Variants in AGK observed in about 807,000 individuals in gnomAD.
AGK encodes acylglycerol kinase, also known as acylglycerol kinase, mitochondrial.
AGK carries 52 observed loss-of-function variants against 66.4 expected under a neutral mutation model. That is an observed-to-expected ratio of 0.78 (90% CI 0.63 to 0.99). The LOEUF (loss-of-function observed/expected upper bound fraction) is 0.99, where lower values mean the gene tolerates loss of function less well. Among genes scored for constraint, AGK ranks in the 50% least tolerant of loss-of-function variants. The pLI is 0.00. For missense variants in AGK, 451 were observed against 506.6 expected (o/e 0.89, Z 1.05); for synonymous variants, 182 against 181.1 (o/e 1.00, Z -0.04).
chr7:141,651,967 T>G (rs1797571727), intron 15 of AGK, among the ~76,000 whole-genome samples: 2 of 152,198 alleles, frequency 1.3e-5, no homozygotes, highest in African/African-American at 4.8e-5. Flanking sequence ...TAATAGTGGC[T>G]TTTACTTTAA....
intron 2 of AGK, among the ~76,000 whole-genome samples, chr7:141,562,659 C>T (rs1397366954): frequency 1.3e-5 from 2 of 152,202 alleles, no homozygotes; most frequent in African/African-American, 2.4e-5. Context: ...AAGGCCTCAT[C>T]CAGCTCCCAC....
intron 13 of AGK, among the ~76,000 whole-genome samples, chr7:141,645,439 C>A (rs993724031): frequency 6.6e-6 from 1 of 152,062 alleles, no homozygotes; most frequent in Non-Finnish European, 1.5e-5. Context: ...TCAATGAATT[C>A]TTTCAAATTT....
At chr7:141,585,965 G>A (rs1053405078) in intron 2 of AGK, among the ~76,000 whole-genome samples, 4 of 152,144 alleles carry the variant, frequency 2.6e-5, no homozygotes, top group African/African-American at 9.7e-5. Flanking sequence ...AGACAGCATG[G>A]TGTAGTGGAA....
rs1414457707 is a variant in AGK, at chr7:141,611,262, C to T, written c.365C>T (p.Ala122Val). 1 of 1,613,216 alleles carries T rather than the reference C, an allele frequency of 6.2e-7. No homozygotes were observed. The highest frequency in any genetic ancestry group is 8.5e-7 in the Non-Finnish European group (1 of 1,179,478). ...LMENTDVIIV[A>V]GGDGTLQEVV... ...GAAAACACGGATGTGATCATTGTTG[C>T]AGGAGGAGATGGGACACTGCAGGAG... is the stretch of plus-strand genomic sequence containing the variant. Residue 122 changes from alanine to valine, a missense_variant, in exon 6 of 16, where the codon GCA becomes GTA. Ala to Val is a moderately conservative substitution (Grantham distance 64). Coordinates refer to ENST00000649286, the MANE Select transcript of AGK (RefSeq NM_018238.4).
chr7:141,600,270 T>C lies in AGK; in HGVS notation c.222-935T>C, dbSNP rs552608025. On this transcript the variant is annotated intron_variant, in intron 4 of 15. Coordinates refer to ENST00000649286, the MANE Select transcript of AGK (RefSeq NM_018238.4). Reference sequence around the variant, plus strand: ...TGAGTAAAAGGTCAACTAATTGGTATGTTTTAACATTAGTTTGACTTTGAG... The same window carrying C: ...TGAGTAAAAGGTCAACTAATTGGTACGTTTTAACATTAGTTTGACTTTGAG... Among the ~76,000 whole-genome samples, 7 of 152,274 alleles carry C rather than the reference T, an allele frequency of 4.6e-5. No homozygotes were observed. In the East Asian group the frequency reaches 9.6e-4, roughly 21 times the overall value.
intron 8 of AGK, among the ~76,000 whole-genome samples, chr7:141,619,648 G>A (rs1796781731): frequency 6.6e-6 from 1 of 151,064 alleles, no homozygotes; most frequent in Non-Finnish European, 1.5e-5. Context: ...ATGCCACTAT[G>A]CATCTATTAG....
chr7:141,569,391 G>A lies in AGK; in HGVS notation c.101+13824G>A, dbSNP rs532037683. Among the ~76,000 whole-genome samples the A allele has an allele frequency of 1.3e-4, 20 of 152,176 alleles. No homozygotes were observed. The South Asian group carries it at 2.7e-3, about 21-fold the overall frequency. ...TTTAATGAAAATACAAAAATTAGCC[G>A]GGTGTGGCGGTGTGCGCCTGTAGTC... On this transcript the variant is annotated intron_variant, in intron 2 of 15. Coordinates refer to ENST00000649286, the MANE Select transcript of AGK (RefSeq NM_018238.4).
At chr7:141,652,650 TAAAAGAACA>T in intron 15 of AGK, 128 bp from the exon 16 acceptor site, 1 of 898,252 alleles carries the variant, frequency 1.1e-6, no homozygotes, top group Non-Finnish European at 1.7e-6. Flanking sequence ...TTTTTTTTTG[TAAAAGAACA>T]TTAGGATAGC....
Position 141,653,252 on chromosome 7 carries a change from T to C in AGK, c.*328T>C, listed in dbSNP as rs1258337251. The C allele has an allele frequency of 7.8e-6, 2 of 255,192 alleles. No individual in the cohort carries two copies. Among genetic ancestry groups the C allele is most frequent in the African/African-American group, 2.2e-5 (1 of 45,906 alleles). 15.8% of individuals were successfully genotyped at this position (255,192 alleles called of 1,614,324 possible). Reference sequence around the variant, plus strand: ...CACAGTGGAGAGCCCACGGTGGGCTTAGCCTGCCTAGGCCCTTCCATTTCT... The same window carrying C: ...CACAGTGGAGAGCCCACGGTGGGCTCAGCCTGCCTAGGCCCTTCCATTTCT... On this transcript the variant is annotated 3_prime_UTR_variant, in exon 16 of 16. Coordinates refer to ENST00000649286, the MANE Select transcript of AGK (RefSeq NM_018238.4).
intron 11 of AGK, among the ~76,000 whole-genome samples, chr7:141,639,117 G>C (rs1797233209): frequency 6.6e-6 from 1 of 152,200 alleles, no homozygotes; most frequent in African/African-American, 2.4e-5. Context: ...AGAGTTTCGA[G>C]AAGCAAAAGC....
chr7:141,596,020 T>C (rs1309027454), intron 3 of AGK, among the ~76,000 whole-genome samples: 1 of 152,226 alleles, frequency 6.6e-6, no homozygotes, highest in Non-Finnish European at 1.5e-5. Context: ...GTGCTTGGTA[T>C]ATATTAGTTA....
chr7:141,552,930 C>G (rs1032177690), intron 1 of AGK, among the ~76,000 whole-genome samples: 1 of 152,156 alleles, frequency 6.6e-6, no homozygotes, highest in African/African-American at 2.4e-5. Flanking sequence ...TAATTCTCCC[C>G]TCAACTATCT....
At chr7:141,607,827 A>G (rs2116947184) in intron 5 of AGK, among the ~76,000 whole-genome samples, 1 of 151,866 alleles carries the variant, frequency 6.6e-6, no homozygotes, top group Admixed American at 6.6e-5. Context: ...TTTTTCTGGG[A>G]GGGGGCAACT....
chr7:141,621,364 A>G (rs1281496936), intron 8 of AGK, among the ~76,000 whole-genome samples: 1 of 152,236 alleles, frequency 6.6e-6, no homozygotes, highest in Middle Eastern at 3.2e-3. Context: ...TAGAGCAAGA[A>G]TAAGTATTGT....
chr7:141,580,273 A>G (rs34799065), intron 2 of AGK, among the ~76,000 whole-genome samples: 5,269 of 152,028 alleles, frequency 0.035, 174 homozygotes, highest in South Asian at 0.14. Flanking sequence ...GAGTGGGGGC[A>G]GAGTGGTAGC....
chr7:141,563,227 G>A (rs1176281358), intron 2 of AGK, among the ~76,000 whole-genome samples: 2 of 152,212 alleles, frequency 1.3e-5, no homozygotes, highest in Admixed American at 1.3e-4. Flanking sequence ...GTCCAGGTGG[G>A]AGATGCAATG....
intron 11 of AGK, among the ~76,000 whole-genome samples, chr7:141,638,762 A>G (rs1797226342): frequency 6.6e-6 from 1 of 152,176 alleles, no homozygotes; most frequent in Non-Finnish European, 1.5e-5. Flanking sequence ...TGTTGGTAAT[A>G]CTAGAGTAAA....
At chr7:141,651,835 C>T (rs1314867055) in intron 15 of AGK, among the ~76,000 whole-genome samples, 1 of 152,178 alleles carries the variant, frequency 6.6e-6, no homozygotes, top group Non-Finnish European at 1.5e-5. Flanking sequence ...AGACTCCCAT[C>T]GTTTTCGAAC....
chr7:141,566,592 A>G (rs1039435354), intron 2 of AGK, among the ~76,000 whole-genome samples: 5 of 152,162 alleles, frequency 3.3e-5, no homozygotes, highest in Admixed American at 2.0e-4. Flanking sequence ...TACCCGCTCT[A>G]TGTTCTCTAT....
Sources: allele counts gnomAD v4.1 joint callset (sites outside exome capture counted in the v4.1 genomes callset), GRCh38; gene constraint gnomAD v4.1.1; transcripts MANE v1.5; gene names NCBI Gene and HGNC (gene_info 2026-07-23, HGNC 2026-07-21).